The following KIF20A variants were observed in gnomAD, a reference collection of about 807,000 sequenced individuals.
KIF20A encodes the protein kinesin-like protein KIF20A.
In KIF20A, 66 loss-of-function variants were observed where a neutral mutation model predicts 113.0. That is an observed-to-expected ratio of 0.58 (90% CI 0.48 to 0.72). KIF20A has a LOEUF of 0.72. Ranked by LOEUF, KIF20A falls within the 30% of genes least tolerant of loss-of-function variation. KIF20A has a pLI of 0.00. For synonymous variants in KIF20A, 376 were observed against 402.3 expected (o/e 0.93, Z 0.78); for missense variants, 927 against 1,077.6 (o/e 0.86, Z 1.96).
In KIF20A at chr5:138,182,821, G is replaced by A. The variant is rs375208099; in HGVS notation, c.703-40G>A. 21 of 1,613,510 alleles carry A rather than the reference G, an allele frequency of 1.3e-5. No individual in the cohort carries two copies. The African/African-American group carries it at 1.7e-4, about 13-fold the overall frequency. ...AGTGGGGGTAGGGGGTACAAATCTC[G>A]GGGAAGTTTTGTGCTTACCTTCTCC... is the stretch of plus-strand genomic sequence containing the variant. On this transcript the variant is annotated intron_variant, in intron 6 of 18. Transcript: ENST00000394894.
In KIF20A at chr5:138,182,907, G is replaced by T. The variant is rs760546603; in HGVS notation, c.749G>T (p.Arg250Leu). The change falls in exon 7 of 19, where the codon CGG becomes CTG. Residue 250 changes from arginine to leucine, a missense_variant. By Grantham distance (102) the Arg-to-Leu change is moderately radical. Transcript: ENST00000394894. ...SLKRSVYIES[R>L]IGTSTSFDSG... ...AAGAGGAGTGTCTACATCGAAAGTC[G>T]GATAGGTACCAGCACCAGCTTCGAC... 1 of 1,614,166 alleles carries T rather than the reference G, an allele frequency of 6.2e-7. No individual in the cohort carries two copies. The highest frequency in any genetic ancestry group is 2.2e-5 in the East Asian group (1 of 44,876).
rs1164687248 is a variant in KIF20A at position 138,184,264 on chromosome 5, C to T, written c.1378C>T (p.Arg460Cys). Reference sequence around the variant, plus strand: ...GTCAAAGCAGAACCTGGTTCCCTTCCGTGACAGCAAGTTGACTCGAGTGTT... The same window carrying T: ...GTCAAAGCAGAACCTGGTTCCCTTCTGTGACAGCAAGTTGACTCGAGTGTT... ...NRSKQNLVPFRDSKLTRVFQG... is the reference protein window; with the variant it reads ...NRSKQNLVPFCDSKLTRVFQG... The change falls in exon 12 of 19, where the codon CGT becomes TGT. Residue 460 changes from arginine (R) to cysteine (C), a missense_variant. Transcript: ENST00000394894. The T allele has an allele frequency of 9.9e-6, 16 of 1,614,026 alleles. No individual in the cohort carries two copies. The highest frequency in any genetic ancestry group is 1.7e-5 in the Admixed American group (1 of 59,992).
At position 138,186,070 on chromosome 5, in the gene KIF20A, C is replaced by CT; in HGVS notation, c.2217+19dup. 1 of 1,606,344 alleles carries CT rather than the reference C, an allele frequency of 6.2e-7. No individual in the cohort carries two copies. Among genetic ancestry groups the CT allele is most frequent in the Non-Finnish European group, 8.5e-7 (1 of 1,173,280 alleles). ...GCCAGAAGGTAATTACCACCATTCT[C>CT]TGTTTACCAAACTCTTACCTAAGGC... On this transcript the variant is annotated intron_variant, in intron 17 of 18. Coordinates refer to ENST00000394894, the MANE Select transcript of KIF20A (RefSeq NM_005733.3).
At chr5:138,180,721 G>T (rs1252844375) in intron 2 of KIF20A, among the ~76,000 whole-genome samples, 1 of 152,104 alleles carries the variant, frequency 6.6e-6, no homozygotes, top group Non-Finnish European at 1.5e-5. Flanking sequence ...TGTCCCCCAG[G>T]CTGGTGTGCA....
At chr5:138,182,075 C>T (rs1754669553) in intron 4 of KIF20A, among the ~76,000 whole-genome samples, 1 of 152,162 alleles carries the variant, frequency 6.6e-6, no homozygotes, top group Non-Finnish European at 1.5e-5. Flanking sequence ...TATATTGCCC[C>T]ATTGTGTGTG....
At position 138,179,848 on chromosome 5, in the gene KIF20A, A is replaced by G; in HGVS notation, c.165+3A>G. On this transcript the variant is annotated splice_donor_region_variant and intron_variant, in intron 2 of 18. Transcript: ENST00000394894. ...CCTCCCTAGAGGACAAGCAGCAGGT[A>G]AAGGAACTGGGGAGTGGCTGGGGCG... The G allele has an allele frequency of 6.2e-7, 1 of 1,613,922 alleles. No individual in the cohort carries two copies. The highest frequency in any genetic ancestry group is 2.2e-5 in the East Asian group (1 of 44,866).
In KIF20A at chr5:138,183,270, C is replaced by A; in HGVS notation, c.934C>A (p.Leu312Met). Residue 312 changes from leucine (L) to methionine (M), a missense_variant, in exon 8 of 19, where the codon CTG (leucine) becomes ATG (methionine). Physicochemically the swap from Leu to Met is conservative, Grantham distance 15. Coordinates refer to ENST00000394894, the MANE Select transcript of KIF20A (RefSeq NM_005733.3). This position sits in a 1 kb window ranked among gnomAD's most constrained non-coding sequence, Gnocchi z 5.2. ...WISFFEIYNE[L>M]LYDLLEPPSQ... is the part of the protein sequence containing the mutation. Reference sequence around the variant, plus strand: ...CTCATTCTTTGAGATCTACAACGAACTGCTTTATGACCTATTAGAACCGCC... The same window carrying A: ...CTCATTCTTTGAGATCTACAACGAAATGCTTTATGACCTATTAGAACCGCC... 1 of 1,614,244 alleles carries A rather than the reference C, an allele frequency of 6.2e-7. No homozygotes were observed. The highest frequency in any genetic ancestry group is 8.5e-7 in the Non-Finnish European group (1 of 1,180,040).
At chr5:138,181,764 C>T in intron 4 of KIF20A, 36 bp downstream of exon 4, 1 of 1,609,566 alleles carries the variant, frequency 6.2e-7, no homozygotes, top group Non-Finnish European at 8.5e-7. Flanking sequence ...AAAAGACCAA[C>T]ATGTAAGGGC....
Position 138,187,359 on chromosome 5 carries a change from A to G in KIF20A, c.2619A>G (p.Leu873=). The G allele has an allele frequency of 1.9e-6, 3 of 1,614,192 alleles. No individual in the cohort carries two copies. Among genetic ancestry groups the G allele is most frequent in the Non-Finnish European group, 1.7e-6 (2 of 1,180,026 alleles). The change falls in exon 19 of 19, where the codon CTA becomes CTG. Residue 873 remains leucine (L), a synonymous_variant. Coordinates refer to ENST00000394894, the MANE Select transcript of KIF20A (RefSeq NM_005733.3). ...STDCSPYARI[L]RSRRSPLLKS... Reference sequence around the variant, plus strand: ...ACTGCAGCCCTTATGCCCGGATCCTACGCTCACGGCGTTCCCCTTTACTCA... The same window carrying G: ...ACTGCAGCCCTTATGCCCGGATCCTGCGCTCACGGCGTTCCCCTTTACTCA...
chr5:138,186,241 C>G, intron 17 of KIF20A, 53 bp from the exon 18 acceptor site: 1 of 1,569,364 alleles, frequency 6.4e-7, no homozygotes, highest in Non-Finnish European at 8.6e-7. Context: ...CCCTCCAGAT[C>G]ATTATCCTGG....
Position 138,183,101 on chromosome 5 carries a change from G to T in KIF20A, c.833-68G>T. On this transcript the variant is annotated intron_variant, in intron 7 of 18. Coordinates refer to ENST00000394894, the MANE Select transcript of KIF20A (RefSeq NM_005733.3). The surrounding 1 kb of genome is among the most constrained non-coding windows in gnomAD (Gnocchi z 5.2). ...TGCAATCTAAGGTCTGCCTTCCAAGGCCCCTGCAGGCCAAAAGAGAGGTGA... is the reference window on the plus strand; with the variant it reads ...TGCAATCTAAGGTCTGCCTTCCAAGTCCCCTGCAGGCCAAAAGAGAGGTGA... 2.5e-6 allele frequency: 4 copies of T among 1,599,902 alleles called. No homozygotes were observed. In the East Asian group the frequency reaches 6.7e-5, roughly 27 times the overall value.
At position 138,185,992 on chromosome 5, in the gene KIF20A, A is replaced by C. The variant is rs767862299; in HGVS notation, c.2157A>C (p.Pro719=). 7 of 1,614,114 alleles carry C rather than the reference A, an allele frequency of 4.3e-6. No homozygotes were observed. Among genetic ancestry groups the C allele is most frequent in the Non-Finnish European group, 5.9e-6 (7 of 1,179,996 alleles). The change falls in exon 17 of 19, where the codon CCA becomes CCC. Residue 719 remains proline, a synonymous_variant. Transcript: ENST00000394894. ...ATAAGTATCAGAAAATGTTAGAACC[A>C]CCACCCTCAGCCAAGCCCTTCACCA... The part of the protein sequence containing the change: ...ELHKYQKMLE[P]PPSAKPFTID...
In KIF20A at chr5:138,185,002, AG is replaced by A. The variant is rs940820177; in HGVS notation, c.1823+58del. ...CACCTGAGACAGAGGGTGGGAAGTA[AG>A]GAGTTAGGTGGAGTTGTGCCTCAAG... On this transcript the variant is annotated intron_variant, in intron 14 of 18. Transcript: ENST00000394894. 2.1e-5 allele frequency: 33 copies of A among 1,605,514 alleles called. No individual in the cohort carries two copies. In the Admixed American group the frequency reaches 5.5e-4, roughly 27 times the overall value.
Position 138,179,745 on chromosome 5 carries a change from C to T in KIF20A, c.65C>T (p.Pro22Leu). The change falls in exon 2 of 19, where the codon CCC (proline) becomes CTC (leucine). Residue 22 changes from proline to leucine, a missense_variant. Physicochemically the swap from Pro to Leu is moderately conservative, Grantham distance 98 (BLOSUM62 -3). Transcript: ENST00000394894. ...LLSDDDVVVS[P>L]MFESTAADLG... ...TCCGATGACGATGTCGTAGTTTCTC[C>T]CATGTTTGAGTCCACAGCTGCAGAT... 1.2e-6 allele frequency: 2 copies of T among 1,614,126 alleles called. No homozygotes were observed. The highest frequency in any genetic ancestry group is 1.7e-6 in the Non-Finnish European group (2 of 1,180,028).
Position 138,184,226 on chromosome 5 carries a change from G to A in KIF20A, c.1353-13G>A. The A allele has an allele frequency of 1.2e-6, 2 of 1,613,816 alleles. No homozygotes were observed. The highest frequency in any genetic ancestry group is 1.7e-6 in the Non-Finnish European group (2 of 1,179,818). ...TTCTGCTCACAGCTCTATTATCTCT[G>A]ATTCTCTGCCAGGTCAAAGCAGAAC... On this transcript the variant is annotated splice_polypyrimidine_tract_variant and intron_variant, in intron 11 of 18. Coordinates refer to ENST00000394894, the MANE Select transcript of KIF20A (RefSeq NM_005733.3).
chr5:138,180,065 T>C (rs1042628887), intron 2 of KIF20A, among the ~76,000 whole-genome samples: 4 of 152,204 alleles, frequency 2.6e-5, no homozygotes, highest in African/African-American at 9.7e-5. Context: ...CCAGAAGAAC[T>C]ATAATTTGCA....
chr5:138,183,104 C>T lies in KIF20A; in HGVS notation c.833-65C>T. On this transcript the variant is annotated intron_variant, in intron 7 of 18. Coordinates refer to ENST00000394894, the MANE Select transcript of KIF20A (RefSeq NM_005733.3). The surrounding 1 kb of genome is among the most constrained non-coding windows in gnomAD (Gnocchi z 5.2). ...AATCTAAGGTCTGCCTTCCAAGGCC[C>T]CTGCAGGCCAAAAGAGAGGTGAACT... 6.3e-7 allele frequency: 1 copy of T among 1,599,906 alleles called. No individual in the cohort carries two copies. The highest frequency in any genetic ancestry group is 8.5e-7 in the Non-Finnish European group (1 of 1,170,894).
intron 4 of KIF20A, 31 bp from the exon 5 acceptor site, chr5:138,182,292 G>A: frequency 6.2e-7 from 1 of 1,604,334 alleles, no homozygotes; most frequent in Non-Finnish European, 8.5e-7. Context: ...AGATGAAGGA[G>A]AGGCCTCTAA....
rs185063701 is a variant in KIF20A at position 138,182,480 on chromosome 5, C to G, written c.514+19C>G. The G allele has an allele frequency of 1.2e-6, 2 of 1,612,978 alleles. No homozygotes were observed. Among genetic ancestry groups the G allele is most frequent in the East Asian group, 2.2e-5 (1 of 44,868 alleles). On this transcript the variant is annotated intron_variant, in intron 5 of 18. Transcript: ENST00000394894. The stretch of plus-strand genomic sequence containing the variant: ...ATTCAAGGTGAGTAGTAAGCCTTCA[C>G]GGGATTCCTGATTGGCTGGTAATGG...
Sources: allele counts gnomAD v4.1 joint callset (sites outside exome capture counted in the v4.1 genomes callset), GRCh38; gene constraint gnomAD v4.1.1; non-coding constraint Gnocchi (gnomAD v3.1); transcripts MANE v1.5; gene names NCBI Gene and HGNC (gene_info 2026-07-23, HGNC 2026-07-21).